STN1: variants seen among roughly 807,000 people sequenced by gnomAD.
STN1 encodes CST complex subunit STN1.
Under a neutral mutation model 45.5 loss-of-function variants are expected in STN1, and 29 were observed. The ratio of observed to expected loss-of-function variants is 0.64; its 90% confidence interval spans 0.47 to 0.87. The LOEUF is 0.87. Ranked by LOEUF, STN1 falls within the 40% of genes least tolerant of loss-of-function variation. STN1 has a pLI of 0.00. For missense variants in STN1, 376 were observed against 441.4 expected, an observed-to-expected ratio of 0.85 and a Z score of 1.33; for synonymous variants, 148 against 159.0, an observed-to-expected ratio of 0.93 and a Z score of 0.52.
Position 103,897,547 on chromosome 10 carries a change from C to T in STN1, c.753+1G>A, listed in dbSNP as rs762175101. ...TTCTCACATGGGCATGCTGCACTCACTTGGTCGGAGGAGGCACTGTGAATC... is the reference window on the plus strand; with the variant it reads ...TTCTCACATGGGCATGCTGCACTCATTTGGTCGGAGGAGGCACTGTGAATC... On this transcript the variant is annotated splice_donor_variant, in intron 7 of 9. Coordinates refer to ENST00000224950, the MANE Select transcript of STN1 (RefSeq NM_024928.5). LOFTEE classifies it high-confidence loss of function. The T allele has an allele frequency of 6.2e-7, 1 of 1,613,956 alleles. No individual in the cohort carries two copies. Among genetic ancestry groups the T allele is most frequent in the South Asian group, 1.1e-5 (1 of 91,080 alleles).
intron 7 of STN1, among the ~76,000 whole-genome samples, chr10:103,897,072 G>A (rs190101746): frequency 2.0e-5 from 3 of 152,230 alleles, no homozygotes; most frequent in Admixed American, 1.3e-4. Flanking sequence ...GTCTTTTTCA[G>A]AATAAGATTA....
chr10:103,916,350 G>A (rs529038688), intron 2 of STN1, among the ~76,000 whole-genome samples: 1 of 152,322 alleles, frequency 6.6e-6, no homozygotes, highest in East Asian at 1.9e-4. Flanking sequence ...GAAGAGATGA[G>A]CTATGAAGAA....
intron 4 of STN1, among the ~76,000 whole-genome samples, chr10:103,901,764 C>G (rs1843211347): frequency 6.6e-6 from 1 of 152,016 alleles, no homozygotes; most frequent in South Asian, 2.1e-4. Context: ...GGGGGTCTTT[C>G]TTTGGAGATT....
chr10:103,900,001 G>A (rs1843196331), intron 5 of STN1, 61 bp downstream of exon 5: 3 of 1,528,806 alleles, frequency 2.0e-6, no homozygotes, highest in Admixed American at 3.5e-5. Flanking sequence ...AGCTGAACAA[G>A]AGGTTTACTG....
rs1564634900 is a variant in STN1 at position 103,909,376 on chromosome 10, ATATGTATATATATG to A, written c.229+1137_229+1150del. Among the ~76,000 whole-genome samples, 68 of 89,894 alleles carry A rather than the reference ATATGTATATATATG, an allele frequency of 7.6e-4. 1 individual carries two copies. The highest frequency in any genetic ancestry group is 2.4e-3 in the African/African-American group (62 of 25,598). 59.0% of individuals were successfully genotyped at this position (89,894 alleles called of 152,430 possible). A position where few individuals can be genotyped will look rare whatever the true frequency, so the allele number is the denominator to read the frequency against. On this transcript the variant is annotated intron_variant, in intron 3 of 9. Coordinates refer to ENST00000224950, the MANE Select transcript of STN1 (RefSeq NM_024928.5). ...AATCAAAAAAAAAAAATATATATATATATGTATATATATGTATATATGTATATATATGTATATAT... is the reference window on the plus strand; with the variant it reads ...AATCAAAAAAAAAAAATATATATATATATATATGTATATATATGTATATAT...
rs918439975 is a variant in STN1 at position 103,880,954 on chromosome 10, C to T, written c.*1730G>A. ...CATGCAGAAATATACACTCTCTCTA[C>T]GGATATATACATACACACAGGGAGC... On this transcript the variant is annotated 3_prime_UTR_variant, in exon 10 of 10. Transcript: ENST00000224950. Among the ~76,000 whole-genome samples the T allele has an allele frequency of 6.6e-5, 10 of 152,102 alleles. No homozygotes were observed. Among genetic ancestry groups the T allele is most frequent in the Admixed American group, 3.3e-4 (5 of 15,270 alleles).
At chr10:103,913,762 T>C (rs961882346) in intron 2 of STN1, among the ~76,000 whole-genome samples, 1 of 152,020 alleles carries the variant, frequency 6.6e-6, no homozygotes, top group Non-Finnish European at 1.5e-5. Context: ...GAAAGCTTAA[T>C]GAACTAAGAA....
intron 6 of STN1, 95 bp from the exon 7 acceptor site, chr10:103,897,814 C>T (rs1843181346): frequency 2.4e-6 from 3 of 1,249,892 alleles, no homozygotes; most frequent in Admixed American, 4.3e-5. Context: ...GAAAATGCAA[C>T]ACTATATTGG....
intron 3 of STN1, among the ~76,000 whole-genome samples, chr10:103,909,480 A>G (rs55768038): frequency 1.4e-4 from 15 of 109,518 alleles, no homozygotes; most frequent in Admixed American, 2.2e-4. Context: ...GTATATATGT[A>G]TATATATGTG....
chr10:103,908,029 TG>T (rs1352594499), intron 3 of STN1, among the ~76,000 whole-genome samples: 1 of 151,240 alleles, frequency 6.6e-6, no homozygotes, highest in African/African-American at 2.4e-5. Flanking sequence ...CTCAGAAGGC[TG>T]AGGCAGGAGA....
intron 9 of STN1, among the ~76,000 whole-genome samples, chr10:103,888,248 G>A (rs896061135): frequency 5.3e-5 from 8 of 152,228 alleles, no homozygotes; most frequent in Non-Finnish European, 1.0e-4. Flanking sequence ...CCCCAGGGAT[G>A]TATGGGCCGA....
Position 103,909,436 on chromosome 10 carries a change from A to ATATATATG in STN1, c.229+1083_229+1090dup, listed in dbSNP as rs1182404636. On this transcript the variant is annotated intron_variant, in intron 3 of 9. Transcript: ENST00000224950. ...TATATGTATATATGTATATATATGT[A>ATATATATG]TATATATGTATATATGTATATATGT... Among the ~76,000 whole-genome samples, 8 of 49,872 alleles carry ATATATATG rather than the reference A, an allele frequency of 1.6e-4. 1 individual carries two copies. The highest frequency in any genetic ancestry group is 3.2e-4 in the African/African-American group (4 of 12,658). 32.7% of individuals were successfully genotyped at this position (49,872 alleles called of 152,430 possible).
intron 3 of STN1, among the ~76,000 whole-genome samples, chr10:103,909,519 T>TAC (rs1491441477): frequency 3.0e-4 from 4 of 13,496 alleles, no homozygotes; most frequent in Admixed American, 3.6e-3. Context: ...TGTATATATG[T>TAC]ATATATATGT....
rs1482930720 is a variant in STN1 at position 103,879,013 on chromosome 10, G to A, written c.*3671C>T. ...CTCAGCAATGCTTACCTGAGGGCGA[G>A]GGAGCTGGGGCATTTACAGCCAAGG... On this transcript the variant is annotated 3_prime_UTR_variant, in exon 10 of 10. Transcript: ENST00000224950. 6.6e-6 allele frequency: 1 copy of A among 152,330 alleles called. No homozygotes were observed. The highest frequency in any genetic ancestry group is 1.5e-5 in the Non-Finnish European group (1 of 68,150). The allele number at this position is 152,330 out of a possible 1,614,324, so 9.4% of individuals were successfully genotyped here. A position where few individuals can be genotyped will look rare whatever the true frequency, so the allele number is the denominator to read the frequency against.
intron 8 of STN1, among the ~76,000 whole-genome samples, chr10:103,891,325 T>C (rs1199443652): frequency 6.6e-6 from 1 of 152,236 alleles, no homozygotes; most frequent in African/African-American, 2.4e-5. Context: ...GGTAGATTTA[T>C]AACTACTAAT....
At chr10:103,905,989 T>C (rs542897916) in intron 3 of STN1, among the ~76,000 whole-genome samples, 2 of 152,190 alleles carry the variant, frequency 1.3e-5, no homozygotes, top group African/African-American at 4.8e-5. Context: ...ATGGGGTCAG[T>C]GGGTCTCTAA....
chr10:103,908,815 A>G (rs1423347258), intron 3 of STN1, among the ~76,000 whole-genome samples: 2 of 152,182 alleles, frequency 1.3e-5, no homozygotes, highest in Non-Finnish European at 2.9e-5. Context: ...TTCTAGGGCC[A>G]GGATTTTAAA....
chr10:103,891,758 C>G (rs1236925951), intron 8 of STN1, among the ~76,000 whole-genome samples: 1 of 152,184 alleles, frequency 6.6e-6, no homozygotes, highest in Non-Finnish European at 1.5e-5. Flanking sequence ...CTCAGTGGAT[C>G]AGTTCCAGGA....
intron 7 of STN1, 114 bp downstream of exon 7, chr10:103,897,434 C>CCGTT (rs1843177823): frequency 4.3e-6 from 4 of 931,356 alleles, no homozygotes; most frequent in Middle Eastern, 3.2e-4. Context: ...ACCATTCCCT[C>CCGTT]CGTTCCCTGG....
Sources: gnomAD v4.1 joint callset for allele counts (sites outside exome capture counted in the v4.1 genomes callset) on GRCh38, gnomAD v4.1.1 for gene constraint, MANE v1.5 for transcripts, NCBI Gene and HGNC (gene_info 2026-07-23, HGNC 2026-07-21) for gene names.